CCDC169: variants seen among roughly 807,000 people sequenced by gnomAD.
CCDC169 encodes the protein coiled-coil domain-containing protein 169.
A neutral mutation model predicts 36.0 loss-of-function variants in CCDC169; 30 were observed. That is an observed-to-expected ratio of 0.83 (90% CI 0.62 to 1.13). The LOEUF is 1.13. CCDC169 is among the 50% of genes most tolerant of loss of function. The pLI, the probability that CCDC169 is intolerant of heterozygous loss-of-function variation, is 0.00. For missense variants in CCDC169, 245 were observed against 245.9 expected (o/e 1.00, Z 0.03); for synonymous variants, 85 against 81.5 (o/e 1.04, Z -0.23).
At chr13:36,232,141 C>T (rs1038504398) in intron 7 of CCDC169, among the ~76,000 whole-genome samples, 3 of 152,200 alleles carry the variant, frequency 2.0e-5, no homozygotes, top group African/African-American at 7.2e-5. Flanking sequence ...TGCCTATCCA[C>T]TGTTCCCCTG....
At chr13:36,254,219 C>T (rs1297855285) in intron 4 of CCDC169, 76 bp from the exon 5 acceptor site, 3 of 947,468 alleles carry the variant, frequency 3.2e-6, no homozygotes, top group Non-Finnish European at 4.5e-6. Context: ...AATTTCTTCA[C>T]TAGTAAATGC....
downstream of CCDC169, chr13:36,224,994 C>T (rs934343506): frequency 3.9e-5 from 6 of 152,052 alleles, no homozygotes; most frequent in African/African-American, 1.4e-4. Context: ...AGCCACATAC[C>T]TACAGCCATC....
At chr13:36,258,675 C>T (rs533828287) in intron 4 of CCDC169, among the ~76,000 whole-genome samples, 10 of 152,238 alleles carry the variant, frequency 6.6e-5, no homozygotes, top group African/African-American at 2.4e-4. Context: ...ACCCCTTTCA[C>T]GGAAAACTCA....
At chr13:36,270,738 G>A (rs1430031297) in intron 4 of CCDC169, among the ~76,000 whole-genome samples, 1 of 152,078 alleles carries the variant, frequency 6.6e-6, no homozygotes, top group Non-Finnish European at 1.5e-5. Flanking sequence ...AATAAAACTG[G>A]ATCCCTATCT....
chr13:36,227,382 C>T (rs1470253149), downstream of CCDC169: 2 of 1,541,780 alleles, frequency 1.3e-6, no homozygotes, highest in East Asian at 2.4e-5. Flanking sequence ...TAAGAGGAGG[C>T]TGTTTGAAGA....
intron 6 of CCDC169, among the ~76,000 whole-genome samples, chr13:36,253,358 A>T (rs1252633226): frequency 4.7e-5 from 4 of 84,780 alleles, no homozygotes; most frequent in African/African-American, 2.2e-4. Flanking sequence ...TTTTTTTCTG[A>T]GATGGAGTCT....
chr13:36,236,104 C>G (rs1025535222), intron 7 of CCDC169, among the ~76,000 whole-genome samples: 2 of 151,992 alleles, frequency 1.3e-5, no homozygotes, highest in African/African-American at 4.8e-5. Flanking sequence ...TCAACATACT[C>G]TCTCCATCAA....
At position 36,297,695 on chromosome 13, in the gene CCDC169, A is replaced by C; in HGVS notation, c.25T>G (p.Phe9Val). Reference sequence around the variant, plus strand: ...AGGCGGTTGGTGCTCACACCGTCGAAGTTGTAGTTTCTCTCTTCCTTCATA... The same window carrying C: ...AGGCGGTTGGTGCTCACACCGTCGACGTTGTAGTTTCTCTCTTCCTTCATA... MKEERNYN[F>V]DGVSTNRLKQ... The change falls in exon 1 of 8, where the codon TTC (phenylalanine) becomes GTC (valine). Residue 9 changes from phenylalanine to valine, a missense_variant. Coordinates refer to ENST00000239859, the MANE Select transcript of CCDC169 (RefSeq NM_001144981.3). 1 of 1,551,300 alleles carries C rather than the reference A, an allele frequency of 6.4e-7. No homozygotes were observed. Among genetic ancestry groups the C allele is most frequent in the Non-Finnish European group, 8.7e-7 (1 of 1,146,994 alleles).
chr13:36,224,306 A>G (rs1854343), downstream of CCDC169: 59,596 of 151,610 alleles, frequency 0.39, 12,780 homozygotes, highest in Non-Finnish European at 0.48. Flanking sequence ...GAGAAAGAAA[A>G]AAAAAAGGCA....
intron 4 of CCDC169, among the ~76,000 whole-genome samples, chr13:36,260,895 G>A (rs945734934): frequency 2.0e-5 from 3 of 152,112 alleles, no homozygotes; most frequent in African/African-American, 7.2e-5. Context: ...AGAAGTACAC[G>A]GTTTCCTGGG....
chr13:36,253,910 T>C, intron 5 of CCDC169, 54 bp from the exon 6 acceptor site: 3 of 1,543,182 alleles, frequency 1.9e-6, no homozygotes, highest in Non-Finnish European at 2.6e-6. Flanking sequence ...TTAGCAATAC[T>C]AGCAAGACTA....
chr13:36,228,195 C>T (rs1566054958), downstream of CCDC169, among the ~76,000 whole-genome samples: 1 of 152,162 alleles, frequency 6.6e-6, no homozygotes, highest in African/African-American at 2.4e-5. Context: ...AAGAGACTTG[C>T]TGTGTCATAT....
In CCDC169 at chr13:36,270,577, T is replaced by C. The variant is rs531699507; in HGVS notation, c.315+12892A>G. On this transcript the variant is annotated intron_variant, in intron 4 of 7. Coordinates refer to ENST00000239859, the MANE Select transcript of CCDC169 (RefSeq NM_001144981.3). ...GGTACTGGTATAAAAAACAGGCACA[T>C]AGATTAATGGAACAGAATAGAGAAC... Among the ~76,000 whole-genome samples, 5 of 152,218 alleles carry C rather than the reference T, an allele frequency of 3.3e-5. No individual in the cohort carries two copies. The South Asian group carries it at 8.3e-4, about 25-fold the overall frequency.
At chr13:36,241,904 G>A (rs1871868573) in intron 7 of CCDC169, among the ~76,000 whole-genome samples, 1 of 152,092 alleles carries the variant, frequency 6.6e-6, no homozygotes, top group South Asian at 2.1e-4. Flanking sequence ...TGATCCTGGG[G>A]GCGGACCTCC....
intron 4 of CCDC169, among the ~76,000 whole-genome samples, chr13:36,259,175 C>T (rs9575681): frequency 0.41 from 61,619 of 151,966 alleles, 13,273 homozygotes; most frequent in Non-Finnish European, 0.48. Flanking sequence ...TAGTGAGGGC[C>T]GAGAGCAGGA....
intron 2 of CCDC169, among the ~76,000 whole-genome samples, chr13:36,285,451 G>C (rs148514428): frequency 1.6e-3 from 249 of 152,274 alleles, no homozygotes; most frequent in African/African-American, 5.6e-3. Context: ...TCAGGAGGCT[G>C]AGGCAGAAGA....
rs755055932 is a variant in CCDC169, at chr13:36,297,769, A to C, written c.-50T>G. The C allele has an allele frequency of 2.0e-6, 3 of 1,517,740 alleles. No individual in the cohort carries two copies. The allele number at this position is 1,517,740 out of a possible 1,614,324, so 94.0% of individuals were successfully genotyped here. On this transcript the variant is annotated 5_prime_UTR_variant, in exon 1 of 8. Coordinates refer to ENST00000239859, the MANE Select transcript of CCDC169 (RefSeq NM_001144981.3). ...GTCTTTCCCCTCAGCACCTTAGAGC[A>C]CAAGACATTAAGGGCCACCCAGAAG... is the stretch of plus-strand genomic sequence containing the variant.
intron 5 of CCDC169, 83 bp downstream of exon 5, chr13:36,253,962 G>GCATT: frequency 6.1e-6 from 4 of 657,604 alleles, no homozygotes; most frequent in Non-Finnish European, 9.1e-6. Context: ...ATAGTTTTGT[G>GCATT]TTAATTATAG....
intron 4 of CCDC169, among the ~76,000 whole-genome samples, chr13:36,274,862 A>G (rs976916852): frequency 3.0e-5 from 4 of 135,426 alleles, no homozygotes; most frequent in African/African-American, 1.1e-4. Context: ...AAATTCCATT[A>G]GCTGCATTTT....
Sources: gnomAD v4.1 joint callset for allele counts (sites outside exome capture counted in the v4.1 genomes callset) on GRCh38, gnomAD v4.1.1 for gene constraint, MANE v1.5 for transcripts, NCBI Gene and HGNC (gene_info 2026-07-23, HGNC 2026-07-21) for gene names.